The following PTPRM variants were observed in gnomAD, a reference collection of about 807,000 sequenced individuals.
PTPRM encodes the protein receptor-type tyrosine-protein phosphatase mu.
A neutral mutation model predicts 186.7 loss-of-function variants in PTPRM; 47 were observed. The ratio of observed to expected loss-of-function variants is 0.25; its 90% CI spans 0.20 to 0.32. The LOEUF is 0.32. Ranked by LOEUF, PTPRM falls within the 10% of genes least tolerant of loss-of-function variation. The pLI is 1.00. For missense variants in PTPRM, 1,494 were observed against 1,865.0 expected (o/e 0.80, Z 3.66); for synonymous variants, 668 against 674.9 (o/e 0.99, Z 0.16).
At chr18:8,249,512 A>G (rs1306104622) in intron 17 of PTPRM, among the ~76,000 whole-genome samples, 1 of 152,202 alleles carries the variant, frequency 6.6e-6, no homozygotes, top group South Asian at 2.1e-4. Context: ...AATGTAATCT[A>G]CATACAAATG....
At chr18:8,093,656 CTA>C (rs1169250452) in intron 11 of PTPRM, among the ~76,000 whole-genome samples, 1 of 152,048 alleles carries the variant, frequency 6.6e-6, no homozygotes, top group Non-Finnish European at 1.5e-5. Flanking sequence ...GACCCCAAAT[CTA>C]TATAATAACT....
intron 1 of PTPRM, among the ~76,000 whole-genome samples, chr18:7,651,174 C>T (rs1003109608): frequency 1.3e-5 from 2 of 152,030 alleles, no homozygotes; most frequent in African/African-American, 2.4e-5. Flanking sequence ...TCGCCCGCCT[C>T]AGCCTCCAAA....
chr18:8,021,315 GAGACACACACACACACAC>G (rs1380466938), intron 7 of PTPRM, among the ~76,000 whole-genome samples: 1 of 99,134 alleles, frequency 1.0e-5, no homozygotes, highest in Non-Finnish European at 2.0e-5. Flanking sequence ...AAGCATAAAA[GAGACACACACACACACAC>G]ACACACACAC....
intron 1 of PTPRM, among the ~76,000 whole-genome samples, chr18:7,678,339 A>T (rs1174312010): frequency 1.3e-5 from 2 of 152,120 alleles, no homozygotes; most frequent in South Asian, 2.1e-4. Context: ...ACCCTCTTCC[A>T]TTCTTAAAAG....
chr18:7,653,645 A>G (rs2038778084), intron 1 of PTPRM, among the ~76,000 whole-genome samples: 1 of 152,014 alleles, frequency 6.6e-6, no homozygotes, highest in Non-Finnish European at 1.5e-5. Flanking sequence ...GCAAAGGACA[A>G]TCTTGTTCTT....
chr18:7,660,704 C>T (rs1243395270), intron 1 of PTPRM, among the ~76,000 whole-genome samples: 6 of 152,182 alleles, frequency 3.9e-5, no homozygotes, highest in African/African-American at 1.4e-4. Context: ...TCACAGCCTC[C>T]AGAGCCACAG....
At chr18:8,042,310 T>C (rs1450916241) in intron 7 of PTPRM, among the ~76,000 whole-genome samples, 1 of 152,214 alleles carries the variant, frequency 6.6e-6, no homozygotes, top group African/African-American at 2.4e-5. Flanking sequence ...ATTCTTCACT[T>C]GACTAAAAAC....
At chr18:7,602,627 A>G (rs1417874999) in intron 1 of PTPRM, among the ~76,000 whole-genome samples, 1 of 151,398 alleles carries the variant, frequency 6.6e-6, no homozygotes, top group Admixed American at 6.6e-5. Context: ...GGGTCTTCCC[A>G]TGTTTTCAAG....
intron 2 of PTPRM, among the ~76,000 whole-genome samples, chr18:7,797,597 T>C (rs1359461128): frequency 6.6e-6 from 1 of 152,240 alleles, no homozygotes; most frequent in African/African-American, 2.4e-5. Context: ...TGTGAACTCA[T>C]GTGGGCTTTT....
chr18:8,277,597 A>T (rs971356869), intron 19 of PTPRM, among the ~76,000 whole-genome samples: 2 of 152,274 alleles, frequency 1.3e-5, no homozygotes, highest in Non-Finnish European at 2.9e-5. Flanking sequence ...ATATAGAAAT[A>T]GACATACTTC....
chr18:7,683,774 C>T (rs57515193), intron 1 of PTPRM, among the ~76,000 whole-genome samples: 2,932 of 152,204 alleles, frequency 0.019, 88 homozygotes, highest in African/African-American at 0.067. Flanking sequence ...CTGAAGTGAG[C>T]GGGCTTGCTA....
At chr18:7,968,307 C>T (rs753202626) in intron 7 of PTPRM, among the ~76,000 whole-genome samples, 3,762 of 141,522 alleles carry the variant, frequency 0.027, 215 homozygotes, top group African/African-American at 0.1. Flanking sequence ...CTGAAGGAAG[C>T]GCTAAACATG....
chr18:7,702,537 G>C (rs2039988860), intron 1 of PTPRM, among the ~76,000 whole-genome samples: 1 of 152,108 alleles, frequency 6.6e-6, no homozygotes, highest in South Asian at 2.1e-4. Flanking sequence ...TGATGGAGTT[G>C]TTAGTGTTTT....
rs570036323 is a variant in PTPRM, at chr18:7,900,275, T to A, written c.469-6230T>A. On this transcript the variant is annotated intron_variant, in intron 3 of 32. Transcript: ENST00000580170. ...TCCAATAAAACTTTATTCATGGACA[T>A]TGAAATCTGAATTTCATATAATTCT... Among the ~76,000 whole-genome samples, 9 of 152,380 alleles carry A rather than the reference T, an allele frequency of 5.9e-5. No homozygotes were observed. The South Asian group carries it at 1.7e-3, about 28-fold the overall frequency.
In PTPRM at chr18:8,253,294, G is replaced by A. The variant is rs769579774; in HGVS notation, c.2634G>A (p.Glu878=). The part of the protein sequence containing the change: ...LVQSHTYKKR[E]PADVPYQTGQ... Reference sequence around the variant, plus strand: ...AGTCCCATACTTACAAGAAGCGAGAGCCGGCCGACGTGCCCTATCAGACTG... The same window carrying A: ...AGTCCCATACTTACAAGAAGCGAGAACCGGCCGACGTGCCCTATCAGACTG... The change falls in exon 19 of 33, where the codon GAG becomes GAA. Residue 878 remains glutamate (E), a synonymous_variant. Coordinates refer to ENST00000580170, the MANE Select transcript of PTPRM (RefSeq NM_001105244.2). The A allele has an allele frequency of 1.3e-6, 2 of 1,597,154 alleles. No homozygotes were observed. Among genetic ancestry groups the A allele is most frequent in the East Asian group, 2.3e-5 (1 of 43,336 alleles).
At position 7,975,799 on chromosome 18, in the gene PTPRM, A is replaced by C. The variant is rs376224651; in HGVS notation, c.1132+20385A>C. Among the ~76,000 whole-genome samples, 293 of 152,342 alleles carry C rather than the reference A, an allele frequency of 1.9e-3. 8 individuals carry two copies. In the South Asian group the frequency reaches 0.053, roughly 27 times the overall value. ...ATATACTCTCCGTGTATAGTAAGCT[A>C]TCCCATCTAGATTTGTCTAAGAGCA... is the stretch of plus-strand genomic sequence containing the variant. On this transcript the variant is annotated intron_variant, in intron 7 of 32. Transcript: ENST00000580170.
At chr18:7,892,562 T>C (rs989579277) in intron 3 of PTPRM, among the ~76,000 whole-genome samples, 6 of 152,234 alleles carry the variant, frequency 3.9e-5, no homozygotes, top group African/African-American at 1.4e-4. Flanking sequence ...ACTCACACTT[T>C]ACTGAGCAGT....
chr18:8,380,614 T>G (rs1261848386), intron 29 of PTPRM, among the ~76,000 whole-genome samples, 187 bp downstream of exon 29: 2 of 146,230 alleles, frequency 1.4e-5, no homozygotes, highest in Non-Finnish European at 2.9e-5. Context: ...AGAAAGTCAG[T>G]TGAAACCAGA....
At chr18:7,842,571 G>T (rs1181295475) in intron 2 of PTPRM, among the ~76,000 whole-genome samples, 1 of 152,028 alleles carries the variant, frequency 6.6e-6, no homozygotes, top group Non-Finnish European at 1.5e-5. Flanking sequence ...TAGACTTTGA[G>T]TAAAGCAAAT....
Sources: gnomAD v4.1 joint callset for allele counts (sites outside exome capture counted in the v4.1 genomes callset) on GRCh38, gnomAD v4.1.1 for gene constraint, MANE v1.5 for transcripts, NCBI Gene and HGNC (gene_info 2026-07-23, HGNC 2026-07-21) for gene names.